The following SRPK2 variants were observed in gnomAD, a reference collection of about 807,000 sequenced individuals.
SRPK2 encodes SFRS protein kinase 2.
A neutral mutation model predicts 90.8 loss-of-function variants in SRPK2; 21 were observed. That is an observed-to-expected ratio of 0.23 (90% CI 0.16 to 0.33). The LOEUF is 0.33. Among genes scored for constraint, SRPK2 ranks in the 10% least tolerant of loss-of-function variants. The pLI is 1.00. For synonymous variants in SRPK2, 288 were observed against 311.1 expected (o/e 0.93, Z 0.78); for missense variants, 620 against 869.0 (o/e 0.71, Z 3.60).
chr7:105,284,998 A>T (rs1807867007), intron 2 of SRPK2, among the ~76,000 whole-genome samples: 1 of 152,198 alleles, frequency 6.6e-6, no homozygotes, highest in Admixed American at 6.5e-5. Context: ...GCTTTGTTAT[A>T]ATAAAGTTAC....
At chr7:105,361,396 A>G (rs1035322391) in intron 2 of SRPK2, among the ~76,000 whole-genome samples, 1 of 152,142 alleles carries the variant, frequency 6.6e-6, no homozygotes, top group African/African-American at 2.4e-5. Context: ...ATGGCCATAC[A>G]GCCCAAGGTA....
chr7:105,339,415 T>TATTTCTC (rs1428596650), intron 2 of SRPK2, among the ~76,000 whole-genome samples: 1 of 152,200 alleles, frequency 6.6e-6, no homozygotes, highest in Non-Finnish European at 1.5e-5. Flanking sequence ...CATAGAAGAA[T>TATTTCTC]ATAATGATTA....
At chr7:105,279,063 C>G (rs984045307) in intron 2 of SRPK2, among the ~76,000 whole-genome samples, 4 of 152,110 alleles carry the variant, frequency 2.6e-5, no homozygotes, top group Non-Finnish European at 4.4e-5. Flanking sequence ...AGTTCCACCC[C>G]CTTCCTTAAA....
chr7:105,340,569 G>A (rs76905282), intron 2 of SRPK2, among the ~76,000 whole-genome samples: 2 of 151,830 alleles, frequency 1.3e-5, no homozygotes, highest in Admixed American at 6.6e-5. Context: ...ACACCACCAC[G>A]CCCAGCTAAG....
At chr7:105,197,258 T>C (rs1183114223) in intron 3 of SRPK2, among the ~76,000 whole-genome samples, 1 of 152,198 alleles carries the variant, frequency 6.6e-6, no homozygotes, top group Non-Finnish European at 1.5e-5. Context: ...AAGAAACTCA[T>C]CTGACATGCT....
At chr7:105,277,063 T>A (rs1379921913) in intron 2 of SRPK2, among the ~76,000 whole-genome samples, 1 of 150,630 alleles carries the variant, frequency 6.6e-6, no homozygotes. Context: ...CCCTTCTTGG[T>A]GTCTCCAACT....
At chr7:105,190,555 T>C (rs1445268173) in intron 3 of SRPK2, among the ~76,000 whole-genome samples, 2 of 152,188 alleles carry the variant, frequency 1.3e-5, no homozygotes, top group Admixed American at 6.5e-5. Flanking sequence ...ATCTATAATA[T>C]CTGTGTAAGG....
At position 105,328,725 on chromosome 7, in the gene SRPK2, C is replaced by T. The variant is rs1479587564; in HGVS notation, c.71+59923G>A. Among the ~76,000 whole-genome samples the T allele has an allele frequency of 3.3e-5, 5 of 150,608 alleles. No homozygotes were observed. The East Asian group carries it at 9.9e-4, about 30-fold the overall frequency. ...TAAAAATACAAAAAAATTAGCCGGG[C>T]ATAGCGGCAGGCACCTGTAGTCCCA... On this transcript the variant is annotated intron_variant, in intron 2 of 15. Transcript: ENST00000393651.
intron 2 of SRPK2, among the ~76,000 whole-genome samples, chr7:105,370,616 C>CTTT (rs199888481): frequency 1.2e-4 from 16 of 129,968 alleles, no homozygotes; most frequent in Non-Finnish European, 1.6e-4. Context: ...TTTTTTCTTT[C>CTTT]TTTTTTTTTT....
chr7:105,383,732 T>G (rs1821223162), intron 2 of SRPK2, among the ~76,000 whole-genome samples: 1 of 152,274 alleles, frequency 6.6e-6, no homozygotes, highest in East Asian at 1.9e-4. Context: ...ATAGAAAAAT[T>G]TTAAGGAACA....
chr7:105,301,724 T>C (rs755988429), intron 2 of SRPK2: 84 of 1,607,832 alleles, frequency 5.2e-5, no homozygotes, highest in Middle Eastern at 2.2e-4. Flanking sequence ...GCTTTTTTTT[T>C]AACAACACCG....
intron 2 of SRPK2, among the ~76,000 whole-genome samples, chr7:105,280,125 CA>C (rs1312436410): frequency 2.0e-5 from 3 of 152,182 alleles, no homozygotes; most frequent in Non-Finnish European, 4.4e-5. Flanking sequence ...TGTACAAAGT[CA>C]AAAATTAAGC....
At chr7:105,288,031 T>A (rs1358313869) in intron 2 of SRPK2, among the ~76,000 whole-genome samples, 1 of 152,134 alleles carries the variant, frequency 6.6e-6, no homozygotes, top group Non-Finnish European at 1.5e-5. Flanking sequence ...TTAAATAAAA[T>A]TCACACTTTA....
intron 12 of SRPK2, 36 bp downstream of exon 12, chr7:105,132,968 C>G (rs1433623906): frequency 1.9e-6 from 3 of 1,613,564 alleles, no homozygotes; most frequent in South Asian, 1.1e-5. Flanking sequence ...CACACAGAAT[C>G]AAGACCAAAG....
At chr7:105,376,232 TG>T (rs1343696995) in intron 2 of SRPK2, among the ~76,000 whole-genome samples, 1 of 151,636 alleles carries the variant, frequency 6.6e-6, no homozygotes, top group Non-Finnish European at 1.5e-5. Flanking sequence ...CTCCTGACCT[TG>T]TGATCCGCCC....
chr7:105,367,371 T>G lies in SRPK2; in HGVS notation c.71+21277A>C, dbSNP rs1372588721. ...TCGGCCTCCTGGGGTCAAGCAATCC[T>G]CCCGCCTCAGCCTCCTGAGTAGCTG... is the stretch of plus-strand genomic sequence containing the variant. On this transcript the variant is annotated intron_variant, in intron 2 of 15. Transcript: ENST00000393651. Among the ~76,000 whole-genome samples the G allele has an allele frequency of 2.6e-5, 4 of 152,106 alleles. No individual in the cohort carries two copies. In the East Asian group the frequency reaches 7.7e-4, roughly 29 times the overall value.
chr7:105,338,090 A>C (rs201597772), intron 2 of SRPK2, among the ~76,000 whole-genome samples: 4 of 151,416 alleles, frequency 2.6e-5, no homozygotes, highest in East Asian at 1.9e-4. Flanking sequence ...TAAAAAAAAA[A>C]AAAACTTTTT....
intron 2 of SRPK2, among the ~76,000 whole-genome samples, chr7:105,307,120 T>A (rs1258509485): frequency 6.6e-6 from 1 of 152,148 alleles, no homozygotes; most frequent in African/African-American, 2.4e-5. Context: ...ATGAACTACC[T>A]TGAAGGGAGA....
At chr7:105,394,095 A>G (rs926063972), upstream of SRPK2, among the ~76,000 whole-genome samples, 39 of 151,552 alleles carry the variant, frequency 2.6e-4, no homozygotes, top group African/African-American at 9.0e-4. Context: ...AAATGGAATC[A>G]TACAATACGT....
Sources: gnomAD v4.1 joint callset for allele counts (sites outside exome capture counted in the v4.1 genomes callset) on GRCh38, gnomAD v4.1.1 for gene constraint, MANE v1.5 for transcripts, NCBI Gene and HGNC (gene_info 2026-07-23, HGNC 2026-07-21) for gene names.